Variants in ERVV-2 observed in about 807,000 individuals in gnomAD.
ERVV-2 encodes the protein endogenous retrovirus group V member 2 Env polyprotein.
For missense variants in ERVV-2, 291 were observed against 495.1 expected, an observed-to-expected ratio of 0.59 and a Z score of 3.91; for synonymous variants, 105 against 184.6, an observed-to-expected ratio of 0.57 and a Z score of 3.49.
Position 53,050,727 on chromosome 19 carries a change from T to A in ERVV-2, c.1476T>A (p.Phe492Leu), listed in dbSNP as rs1390271156. 6.5e-7 allele frequency: 1 copy of A among 1,536,056 alleles called. No homozygotes were observed. Among genetic ancestry groups the A allele is most frequent in the African/African-American group, 1.4e-5 (1 of 73,152 alleles). The part of the protein sequence containing the change: ...IKCVSSRIKQ[F>L]HMKSPQMERY... Reference sequence around the variant, plus strand: ...GTGTCTCTTCTAGGATAAAGCAATTTCACATGAAGTCCCCCCAAATGGAAA... The same window carrying A: ...GTGTCTCTTCTAGGATAAAGCAATTACACATGAAGTCCCCCCAAATGGAAA... Residue 492 changes from phenylalanine (F) to leucine (L), a missense_variant, in exon 2 of 2, where the codon TTT (phenylalanine) becomes TTA (leucine). Phe to Leu is a conservative substitution (Grantham distance 22, BLOSUM62 0). Coordinates refer to ENST00000601417, the MANE Select transcript of ERVV-2 (RefSeq NM_001191055.2).
chr19:53,048,598 C>A (rs1295958218), intron 1 of ERVV-2, among the ~76,000 whole-genome samples: 1 of 145,722 alleles, frequency 6.9e-6, no homozygotes, highest in Non-Finnish European at 1.5e-5. Context: ...TCACTTGAAC[C>A]TGGGAGGCGG....
At chr19:53,045,623 A>T (rs1275322688) in intron 1 of ERVV-2, among the ~76,000 whole-genome samples, 1 of 152,086 alleles carries the variant, frequency 6.6e-6, no homozygotes, top group East Asian at 1.9e-4. Context: ...TTAAAACTAC[A>T]ATCCGGTGTT....
rs1230062963 is a variant in ERVV-2 at position 53,050,899 on chromosome 19, C to T, written c.*40C>T. ...GGGAGACCCTGATGACTTCTTCGCC[C>T]CATGTCAGCAGGAAGTAGTTACAGA... is the stretch of plus-strand genomic sequence containing the variant. On this transcript the variant is annotated 3_prime_UTR_variant, in exon 2 of 2. Coordinates refer to ENST00000601417, the MANE Select transcript of ERVV-2 (RefSeq NM_001191055.2). The T allele has an allele frequency of 2.1e-6, 3 of 1,460,166 alleles. No individual in the cohort carries two copies. The highest frequency in any genetic ancestry group is 1.4e-5 in the African/African-American group (1 of 70,346). The allele number at this position is 1,460,166 out of a possible 1,614,324, so 90.5% of individuals were successfully genotyped here. A position where few individuals can be genotyped will look rare whatever the true frequency, so the allele number is the denominator to read the frequency against.
Position 53,050,988 on chromosome 19 carries a change from T to C in ERVV-2, c.*129T>C, listed in dbSNP as rs907047850. The C allele has an allele frequency of 4.5e-6, 4 of 892,942 alleles. No homozygotes were observed. Among genetic ancestry groups the C allele is most frequent in the Admixed American group, 3.3e-5 (1 of 30,628 alleles). 55.3% of individuals were successfully genotyped at this position (892,942 alleles called of 1,614,324 possible). ...CTCCATCTCTTGAGGAGGGAAATATTAGGGTAGGCAGGTAGGCAGGCATGA... is the reference window on the plus strand; with the variant it reads ...CTCCATCTCTTGAGGAGGGAAATATCAGGGTAGGCAGGTAGGCAGGCATGA... On this transcript the variant is annotated 3_prime_UTR_variant, in exon 2 of 2. Coordinates refer to ENST00000601417, the MANE Select transcript of ERVV-2 (RefSeq NM_001191055.2).
rs1055284827 is a variant in ERVV-2, at chr19:53,050,380, C to T, written c.1129C>T (p.Leu377=). The T allele has an allele frequency of 1.3e-6, 1 of 751,982 alleles. No individual in the cohort carries two copies. The highest frequency in any genetic ancestry group is 1.7e-5 in the African/African-American group (1 of 58,164). The allele number at this position is 751,982 out of a possible 1,614,324, so 46.6% of individuals were successfully genotyped here. The stretch of plus-strand genomic sequence containing the variant: ...TAAACTCAAGGCCTCCATAGATTCT[C>T]TAGCAAATGTAGTCATGGACAACAG... The part of the protein sequence containing the change: ...ISKLKASIDS[L]ANVVMDNRLA... Residue 377 remains leucine (L), a synonymous_variant, in exon 2 of 2, where the codon CTA becomes TTA. Coordinates refer to ENST00000601417, the MANE Select transcript of ERVV-2 (RefSeq NM_001191055.2).
In ERVV-2 at chr19:53,051,454, C is replaced by G. The variant is rs1244323139; in HGVS notation, c.*595C>G. On this transcript the variant is annotated 3_prime_UTR_variant, in exon 2 of 2. Coordinates refer to ENST00000601417, the MANE Select transcript of ERVV-2 (RefSeq NM_001191055.2). ...AGCCACTGCGCCTGGCTACTCAGAACGCTTCTGAATGGCACATTCATGAAA... is the reference window on the plus strand; with the variant it reads ...AGCCACTGCGCCTGGCTACTCAGAAGGCTTCTGAATGGCACATTCATGAAA... Among the ~76,000 whole-genome samples, 1 of 152,020 alleles carries G rather than the reference C, an allele frequency of 6.6e-6. No individual in the cohort carries two copies. Among genetic ancestry groups the G allele is most frequent in the African/African-American group, 2.4e-5 (1 of 41,398 alleles).
intron 1 of ERVV-2, among the ~76,000 whole-genome samples, chr19:53,047,543 C>T (rs1006117797): frequency 1.3e-5 from 2 of 152,156 alleles, no homozygotes; most frequent in South Asian, 4.2e-4. Flanking sequence ...CCCAGGAAAT[C>T]TAAGAAATCC....
At position 53,050,545 on chromosome 19, in the gene ERVV-2, G is replaced by A. The variant is rs971759109; in HGVS notation, c.1294G>A (p.Asp432Asn). 8.4e-5 allele frequency: 64 copies of A among 763,236 alleles called. No homozygotes were observed. The highest frequency in any genetic ancestry group is 4.4e-4 in the Middle Eastern group (2 of 4,538). The allele number at this position is 763,236 out of a possible 1,614,324, so 47.3% of individuals were successfully genotyped here. Reference protein sequence around the residue: ...KIYDEATWLHDFGKGGASARA... With the variant: ...KIYDEATWLHNFGKGGASARA... ...CTATGATGAGGCTACGTGGCTCCAT[G>A]ACTTTGGAAAAGGAGGTGCTTCAGC... The change falls in exon 2 of 2, where the codon GAC (aspartate) becomes AAC (asparagine). Residue 432 changes from aspartate (D) to asparagine (N), a missense_variant. Transcript: ENST00000601417.
intron 1 of ERVV-2, among the ~76,000 whole-genome samples, chr19:53,048,507 G>A (rs2083899165): frequency 6.6e-6 from 1 of 151,568 alleles, no homozygotes; most frequent in Non-Finnish European, 1.5e-5. Flanking sequence ...GAGAAACCTT[G>A]TCTACTAAAA....
Position 53,050,624 on chromosome 19 carries a change from T to A in ERVV-2, c.1373T>A (p.Val458Asp). 1 of 1,282,208 alleles carries A rather than the reference T, an allele frequency of 7.8e-7. No homozygotes were observed. The highest frequency in any genetic ancestry group is 1.1e-6 in the Non-Finnish European group (1 of 915,728). The allele number at this position is 1,282,208 out of a possible 1,614,324, so 79.4% of individuals were successfully genotyped here. The change falls in exon 2 of 2, where the codon GTC (valine) becomes GAC (aspartate). Residue 458 changes from valine (V) to aspartate (D), a missense_variant. Val to Asp is a radical substitution (Grantham distance 152, BLOSUM62 -3). Coordinates refer to ENST00000601417, the MANE Select transcript of ERVV-2 (RefSeq NM_001191055.2). ...GCCCTCCCCTCCCTCAACTGGTTTG[T>A]CCCTTTACTGGGACCAGCAACAGTT... ...KSALPSLNWF[V>D]PLLGPATVIL...
rs1455878034 is a variant in ERVV-2 at position 53,050,374 on chromosome 19, G to C, written c.1123G>C (p.Asp375His). The change falls in exon 2 of 2, where the codon GAT becomes CAT. Residue 375 changes from aspartate to histidine, a missense_variant. Physicochemically the swap from Asp to His is moderately conservative, Grantham distance 81. Transcript: ENST00000601417. ...DSISKLKASI[D>H]SLANVVMDNR... ...CATCTCTAAACTCAAGGCCTCCATAGATTCTCTAGCAAATGTAGTCATGGA... is the reference window on the plus strand; with the variant it reads ...CATCTCTAAACTCAAGGCCTCCATACATTCTCTAGCAAATGTAGTCATGGA... 2 of 743,706 alleles carry C rather than the reference G, an allele frequency of 2.7e-6. No homozygotes were observed. The highest frequency in any genetic ancestry group is 4.0e-5 in the Admixed American group (2 of 50,004). The allele number at this position is 743,706 out of a possible 1,614,324, so 46.1% of individuals were successfully genotyped here.
rs1345090551 is a variant in ERVV-2 at position 53,049,999 on chromosome 19, AC to A, written c.752del (p.Pro251LeufsTer23). On this transcript the variant is annotated frameshift_variant, in exon 2 of 2. Transcript: ENST00000601417. LOFTEE classifies it low-confidence loss of function (END_TRUNC). ...CAGCCACATCCCCCGGTGGGCCTGTACCCCTCCTGGCTATGTATTTTTATGT... is the reference window on the plus strand; with the variant it reads ...CAGCCACATCCCCCGGTGGGCCTGTACCCTCCTGGCTATGTATTTTTATGT... ...FDSHIPRWAC[T>X]PPGYVFLCGP... 6.7e-7 allele frequency: 1 copy of A among 1,499,100 alleles called. No homozygotes were observed. The highest frequency in any genetic ancestry group is 8.9e-7 in the Non-Finnish European group (1 of 1,125,044). 92.9% of individuals were successfully genotyped at this position (1,499,100 alleles called of 1,614,324 possible). A position where few individuals can be genotyped will look rare whatever the true frequency, so the allele number is the denominator to read the frequency against.
Position 53,048,866 on chromosome 19 carries a change from G to T in ERVV-2, c.-385-1G>T. On this transcript the variant is annotated splice_acceptor_variant, in intron 1 of 1. Coordinates refer to ENST00000601417, the MANE Select transcript of ERVV-2 (RefSeq NM_001191055.2). LOFTEE classifies it low-confidence loss of function (5UTR_SPLICE). ...TACTGTCTTACTTTCCACCCCAACAGCTATCAACATTTCTGGCATCTCCAG... is the reference window on the plus strand; with the variant it reads ...TACTGTCTTACTTTCCACCCCAACATCTATCAACATTTCTGGCATCTCCAG... 1 of 375,190 alleles carries T rather than the reference G, an allele frequency of 2.7e-6. No individual in the cohort carries two copies. Among genetic ancestry groups the T allele is most frequent in the East Asian group, 7.1e-5 (1 of 14,128 alleles). The allele number at this position is 375,190 out of a possible 1,614,324, so 23.2% of individuals were successfully genotyped here. A position where few individuals can be genotyped will look rare whatever the true frequency, so the allele number is the denominator to read the frequency against.
rs145257984 is a variant in ERVV-2 at position 53,045,628 on chromosome 19, G to A, written c.-386+670G>A. 3.0e-3 allele frequency among the ~76,000 whole-genome samples: 451 copies of A among 152,116 alleles called. 4 individuals carry two copies. Among genetic ancestry groups the A allele is most frequent in the African/African-American group, 0.01 (418 of 41,506 alleles). ...TATCTTTTAATTAAAACTACAATCC[G>A]GTGTTAAGTCAGCTCTTATACTTGC... On this transcript the variant is annotated intron_variant, in intron 1 of 1. Coordinates refer to ENST00000601417, the MANE Select transcript of ERVV-2 (RefSeq NM_001191055.2).
At chr19:53,047,612 C>G (rs1281276731) in intron 1 of ERVV-2, among the ~76,000 whole-genome samples, 2 of 152,168 alleles carry the variant, frequency 1.3e-5, no homozygotes, top group African/African-American at 4.8e-5. Flanking sequence ...GGGCTAATTC[C>G]AGAGCTCCAA....
Position 53,050,480 on chromosome 19 carries a change from T to C in ERVV-2, c.1229T>C (p.Val410Ala), listed in dbSNP as rs1162055675. ...ATCAATAAATCCTGTTGCGTTTATGTCAATAACAGTGGGGCGATAGAGGAG... is the reference window on the plus strand; with the variant it reads ...ATCAATAAATCCTGTTGCGTTTATGCCAATAACAGTGGGGCGATAGAGGAG... ...AVINKSCCVYVNNSGAIEEDI... is the reference protein window; with the variant it reads ...AVINKSCCVYANNSGAIEEDI... The change falls in exon 2 of 2, where the codon GTC becomes GCC. Residue 410 changes from valine to alanine, a missense_variant. Val to Ala is a moderately conservative substitution (Grantham distance 64, BLOSUM62 0). Coordinates refer to ENST00000601417, the MANE Select transcript of ERVV-2 (RefSeq NM_001191055.2). The C allele has an allele frequency of 1.4e-6, 1 of 721,664 alleles. No individual in the cohort carries two copies. Among genetic ancestry groups the C allele is most frequent in the Non-Finnish European group, 2.5e-6 (1 of 402,072 alleles). 44.7% of individuals were successfully genotyped at this position (721,664 alleles called of 1,614,324 possible).
rs1010201387 is a variant in ERVV-2 at position 53,044,807 on chromosome 19, T to A, written c.-537T>A. On this transcript the variant is annotated 5_prime_UTR_variant, in exon 1 of 2. Coordinates refer to ENST00000601417, the MANE Select transcript of ERVV-2 (RefSeq NM_001191055.2). ...GGTGTCGCTTCTTTCTGAGCTCCTGTCTCTTTAAATGAAGGGCATTTACCC... is the reference window on the plus strand; with the variant it reads ...GGTGTCGCTTCTTTCTGAGCTCCTGACTCTTTAAATGAAGGGCATTTACCC... 5 of 152,066 alleles carry A rather than the reference T, an allele frequency of 3.3e-5. No individual in the cohort carries two copies. The highest frequency in any genetic ancestry group is 7.3e-5 in the Non-Finnish European group (5 of 68,038). 9.4% of individuals were successfully genotyped at this position (152,066 alleles called of 1,614,324 possible).
Position 53,049,717 on chromosome 19 carries a change from G to T in ERVV-2, c.466G>T (p.Ala156Ser). 1 of 1,406,518 alleles carries T rather than the reference G, an allele frequency of 7.1e-7. No homozygotes were observed. Among genetic ancestry groups the T allele is most frequent in the South Asian group, 1.3e-5 (1 of 79,628 alleles). 87.1% of individuals were successfully genotyped at this position (1,406,518 alleles called of 1,614,324 possible). The change falls in exon 2 of 2, where the codon GCA becomes TCA. Residue 156 changes from alanine to serine, a missense_variant. Transcript: ENST00000601417. Reference protein sequence around the residue: ...PTIHPMSFSPAGCHPNLTHWC... With the variant: ...PTIHPMSFSPSGCHPNLTHWC... ...CATCCATCCCATGAGCTTCTCCCCA[G>T]CAGGCTGCCACCCTAACTTGACTCA... is the stretch of plus-strand genomic sequence containing the variant.
Position 53,051,168 on chromosome 19 carries a change from A to G in ERVV-2, c.*309A>G, listed in dbSNP as rs1481429794. The G allele has an allele frequency of 1.9e-5, 3 of 161,220 alleles. No homozygotes were observed. Among genetic ancestry groups the G allele is most frequent in the South Asian group, 2.2e-4 (2 of 8,910 alleles). 10.0% of individuals were successfully genotyped at this position (161,220 alleles called of 1,614,324 possible). On this transcript the variant is annotated 3_prime_UTR_variant, in exon 2 of 2. Transcript: ENST00000601417. ...TTTTTTTTTTTTTTTTTTTTTTGAGACAAGTTCTTGCTCTGTCTCCCAGGC... is the reference window on the plus strand; with the variant it reads ...TTTTTTTTTTTTTTTTTTTTTTGAGGCAAGTTCTTGCTCTGTCTCCCAGGC...
Sources: gnomAD v4.1 joint callset for allele counts (sites outside exome capture counted in the v4.1 genomes callset) on GRCh38, gnomAD v4.1.1 for gene constraint, MANE v1.5 for transcripts, NCBI Gene and HGNC (gene_info 2026-07-23, HGNC 2026-07-21) for gene names.